Variants in STEAP2 observed in about 807,000 individuals in gnomAD.
The protein encoded by STEAP2 is STEAP2 metalloreductase.
A neutral mutation model predicts 46.4 loss-of-function variants in STEAP2; 30 were observed. The observed-to-expected ratio is 0.65, with a 90% CI of 0.48 to 0.88. STEAP2 has a LOEUF of 0.88. Ranked by LOEUF, STEAP2 falls within the 40% of genes least tolerant of loss-of-function variation. The pLI is 0.00. For synonymous variants in STEAP2, 180 were observed against 200.5 expected (o/e 0.90, Z 0.86); for missense variants, 513 against 579.3 (o/e 0.89, Z 1.18).
chr7:90,232,700 A>T lies in STEAP2; in HGVS notation c.*76A>T, dbSNP rs1322882003. The T allele has an allele frequency of 1.4e-6, 2 of 1,445,198 alleles. No homozygotes were observed. Among genetic ancestry groups the T allele is most frequent in the African/African-American group, 2.8e-5 (2 of 71,052 alleles). 89.5% of individuals were successfully genotyped at this position (1,445,198 alleles called of 1,614,324 possible). A position where few individuals can be genotyped will look rare whatever the true frequency, so the allele number is the denominator to read the frequency against. ...TTTTATGACTTCTACGTTCAGTTAC[A>T]AGTATGCTGTCAAATTATCGTGGGT... On this transcript the variant is annotated 3_prime_UTR_variant, in exon 6 of 6. Transcript: ENST00000394621.
chr7:90,242,234 T>C (rs1796072436), downstream of STEAP2, among the ~76,000 whole-genome samples: 1 of 152,184 alleles, frequency 6.6e-6, no homozygotes. Flanking sequence ...CATTGGAAAC[T>C]GGCACTCTGG....
chr7:90,214,625 A>G (rs1442212090), intron 1 of STEAP2, among the ~76,000 whole-genome samples: 1 of 152,076 alleles, frequency 6.6e-6, no homozygotes, highest in Non-Finnish European at 1.5e-5. Flanking sequence ...GATGGAGAGT[A>G]AGAGAGCTGA....
chr7:90,219,009 G>A (rs1312629236), intron 2 of STEAP2, among the ~76,000 whole-genome samples: 3 of 151,346 alleles, frequency 2.0e-5, no homozygotes, highest in Non-Finnish European at 4.4e-5. Flanking sequence ...TATATTCCTA[G>A]TTGTTTTTTG....
Position 90,237,119 on chromosome 7 carries a change from G to C in STEAP2, c.*4495G>C. On this transcript the variant is annotated 3_prime_UTR_variant, in exon 6 of 6. Coordinates refer to ENST00000394621, the MANE Select transcript of STEAP2 (RefSeq NM_001244944.2). ...TGCTGGGATTGTGGATATAACAGGA[G>C]CCCTGGCAGCTGTCTCCAGAGGATC... 1 of 674,058 alleles carries C rather than the reference G, an allele frequency of 1.5e-6. No homozygotes were observed. The highest frequency in any genetic ancestry group is 2.4e-6 in the Non-Finnish European group (1 of 418,248). 41.8% of individuals were successfully genotyped at this position (674,058 alleles called of 1,614,324 possible).
rs1272068661 is a variant in STEAP2, at chr7:90,233,109, T to G, written c.*485T>G. 3.0e-6 allele frequency: 3 copies of G among 985,312 alleles called. No individual in the cohort carries two copies. Among genetic ancestry groups the G allele is most frequent in the Non-Finnish European group, 3.6e-6 (3 of 829,816 alleles). 61.0% of individuals were successfully genotyped at this position (985,312 alleles called of 1,614,324 possible). On this transcript the variant is annotated 3_prime_UTR_variant, in exon 6 of 6. Transcript: ENST00000394621. ...CGTTATGTTAGCATCTAGGTAAGGC[T>G]GCATGATAGCATTCCTATATTTCTC...
At chr7:90,227,640 C>A in intron 4 of STEAP2, 142 bp downstream of exon 4, 1 of 831,858 alleles carries the variant, frequency 1.2e-6, no homozygotes, top group Non-Finnish European at 1.7e-6. Context: ...GTTCTTTAAA[C>A]AATGTTTTTG....
At chr7:90,241,001 G>A (rs1200650877), downstream of STEAP2, among the ~76,000 whole-genome samples, 1 of 152,084 alleles carries the variant, frequency 6.6e-6, no homozygotes, top group Admixed American at 6.5e-5. Context: ...TAAAGTTAAA[G>A]CTTTTATGAA....
chr7:90,220,142 C>T (rs1462412246), intron 2 of STEAP2, among the ~76,000 whole-genome samples: 1 of 152,166 alleles, frequency 6.6e-6, no homozygotes, highest in African/African-American at 2.4e-5. Flanking sequence ...ATAATGCTGA[C>T]CTCATAGAAT....
At chr7:90,228,848 A>G (rs1043221365) in intron 4 of STEAP2, among the ~76,000 whole-genome samples, 3 of 152,150 alleles carry the variant, frequency 2.0e-5, no homozygotes, top group African/African-American at 7.2e-5. Context: ...TACACTGGGT[A>G]GTGCTGTTTT....
chr7:90,228,783 T>G (rs570541803), intron 4 of STEAP2, among the ~76,000 whole-genome samples: 1 of 152,278 alleles, frequency 6.6e-6, no homozygotes, highest in South Asian at 2.1e-4. Flanking sequence ...ACAGCCCATT[T>G]GTGGATGAAT....
chr7:90,228,611 A>G (rs17862126), intron 4 of STEAP2, among the ~76,000 whole-genome samples: 23,851 of 151,956 alleles, frequency 0.16, 2,924 homozygotes, highest in East Asian at 0.65. Flanking sequence ...AATAACACTT[A>G]CCATCTTCTA....
At position 90,237,030 on chromosome 7, in the gene STEAP2, G is replaced by A. The variant is rs1238553428; in HGVS notation, c.*4406G>A. 2.7e-6 allele frequency: 4 copies of A among 1,486,906 alleles called. No homozygotes were observed. Among genetic ancestry groups the A allele is most frequent in the Non-Finnish European group, 3.7e-6 (4 of 1,072,860 alleles). The allele number at this position is 1,486,906 out of a possible 1,614,324, so 92.1% of individuals were successfully genotyped here. ...TAGGTGTACATGTGACTGAGTGTTG[G>A]CCAGTGAGATGAAGTCTCCTCAAAG... On this transcript the variant is annotated 3_prime_UTR_variant, in exon 6 of 6. Coordinates refer to ENST00000394621, the MANE Select transcript of STEAP2 (RefSeq NM_001244944.2).
intron 2 of STEAP2, among the ~76,000 whole-genome samples, chr7:90,222,044 G>C (rs549971615): frequency 6.6e-6 from 1 of 152,252 alleles, no homozygotes; most frequent in African/African-American, 2.4e-5. Flanking sequence ...GGATTCCCTT[G>C]TGTGAATCTA....
chr7:90,243,260 A>C, the STEAP2 span, among the ~76,000 whole-genome samples: 1 of 152,232 alleles, frequency 6.6e-6, no homozygotes, highest in African/African-American at 2.4e-5. Flanking sequence ...AAGCTCTGAG[A>C]AGTGAAGTAA....
In STEAP2 at chr7:90,227,468, A is replaced by AAG. The variant is rs1795551127; in HGVS notation, c.990_991insAG (p.Tyr331SerfsTer36). On this transcript the variant is annotated frameshift_variant, in exon 4 of 6. Transcript: ENST00000394621. ...GCTTACCGATGAGAAGGTCAGAGAG[A>AAG]TATTTGTTTCTCAACATGGCTTATC... 4 of 1,590,660 alleles carry AAG rather than the reference A, an allele frequency of 2.5e-6. No individual in the cohort carries two copies. The highest frequency in any genetic ancestry group is 3.4e-6 in the Non-Finnish European group (4 of 1,163,204).
At position 90,225,170 on chromosome 7, in the gene STEAP2, A is replaced by G. The variant is rs1475688516; in HGVS notation, c.88A>G (p.Lys30Glu). Residue 30 changes from lysine to glutamate, a missense_variant, in exon 3 of 6, where the codon AAG becomes GAG. By Grantham distance (56) the Lys-to-Glu change is moderately conservative. Transcript: ENST00000394621. ...NGINGIKDAR[K>E]VTVGVIGSGD... is the part of the protein sequence containing the mutation. The stretch of plus-strand genomic sequence containing the variant: ...CATAAATGGTATCAAAGATGCAAGG[A>G]AGGTCACTGTAGGTGTGATTGGAAG... 6.2e-7 allele frequency: 1 copy of G among 1,613,888 alleles called. No individual in the cohort carries two copies. Among genetic ancestry groups the G allele is most frequent in the African/African-American group, 1.3e-5 (1 of 74,900 alleles).
Position 90,234,438 on chromosome 7 carries a change from G to A in STEAP2, c.*1814G>A. 1.1e-5 allele frequency: 11 copies of A among 985,036 alleles called. No individual in the cohort carries two copies. Among genetic ancestry groups the A allele is most frequent in the Non-Finnish European group, 1.3e-5 (11 of 829,804 alleles). 61.0% of individuals were successfully genotyped at this position (985,036 alleles called of 1,614,324 possible). On this transcript the variant is annotated 3_prime_UTR_variant, in exon 6 of 6. Coordinates refer to ENST00000394621, the MANE Select transcript of STEAP2 (RefSeq NM_001244944.2). ...AATAAAAAGACTTTTATTTAGTAGA[G>A]GCTACCTTTCCCACCAGTGACTCTT...
rs1229452638 is a variant in STEAP2, at chr7:90,229,740, T to C, written c.1021-132T>C. On this transcript the variant is annotated intron_variant, in intron 4 of 5. Coordinates refer to ENST00000394621, the MANE Select transcript of STEAP2 (RefSeq NM_001244944.2). The stretch of plus-strand genomic sequence containing the variant: ...CAGTAACAGGTTCTCTGTAATGGTT[T>C]GTTAGACTAAATTAGTACAACTTAA... 2.9e-6 allele frequency: 4 copies of C among 1,387,262 alleles called. No individual in the cohort carries two copies. The African/African-American group carries it at 5.8e-5, about 20-fold the overall frequency. The allele number at this position is 1,387,262 out of a possible 1,614,324, so 85.9% of individuals were successfully genotyped here.
At position 90,233,241 on chromosome 7, in the gene STEAP2, A is replaced by G; in HGVS notation, c.*617A>G. ...TTAAACCTGAAATTATATTTAAAATATATTTGAGACATGAAATACATACTG... is the reference window on the plus strand; with the variant it reads ...TTAAACCTGAAATTATATTTAAAATGTATTTGAGACATGAAATACATACTG... On this transcript the variant is annotated 3_prime_UTR_variant, in exon 6 of 6. Transcript: ENST00000394621. 1.1e-6 allele frequency: 1 copy of G among 940,230 alleles called. No individual in the cohort carries two copies. The highest frequency in any genetic ancestry group is 1.3e-6 in the Non-Finnish European group (1 of 788,894). 58.2% of individuals were successfully genotyped at this position (940,230 alleles called of 1,614,324 possible).
Sources: allele counts gnomAD v4.1 joint callset (sites outside exome capture counted in the v4.1 genomes callset), GRCh38; gene constraint gnomAD v4.1.1; transcripts MANE v1.5; gene names NCBI Gene and HGNC (gene_info 2026-07-23, HGNC 2026-07-21).